The following SERGEF variants were observed in gnomAD, a reference collection of about 807,000 sequenced individuals.
The protein encoded by SERGEF is secretion regulating guanine nucleotide exchange factor, also known as secretion-regulating guanine nucleotide exchange factor.
A neutral mutation model predicts 50.0 loss-of-function variants in SERGEF; 51 were observed. The observed-to-expected ratio is 1.02, with a 90% CI of 0.81 to 1.29. The LOEUF (loss-of-function observed/expected upper bound fraction) is 1.29, where lower values mean the gene tolerates loss of function less well. Among genes scored for constraint, SERGEF ranks in the 50% most tolerant of loss-of-function variants. The pLI is 0.00. For missense variants in SERGEF, 521 were observed against 557.0 expected, an observed-to-expected ratio of 0.94 and a Z score of 0.65; for synonymous variants, 205 against 212.4, an observed-to-expected ratio of 0.97 and a Z score of 0.30.
chr11:17,956,770 AC>A (rs1487737320), intron 9 of SERGEF, among the ~76,000 whole-genome samples: 1 of 152,078 alleles, frequency 6.6e-6, no homozygotes, highest in Non-Finnish European at 1.5e-5. Flanking sequence ...TATGTGCCAC[AC>A]TCAGGTCCTC....
At chr11:17,824,662 T>G (rs1257748032) in intron 10 of SERGEF, among the ~76,000 whole-genome samples, 3 of 152,338 alleles carry the variant, frequency 2.0e-5, no homozygotes, top group Admixed American at 2.0e-4. Context: ...CTCCCTGGCC[T>G]GCAGATGGCT....
At chr11:17,882,480 C>T (rs1851353655) in intron 9 of SERGEF, among the ~76,000 whole-genome samples, 1 of 151,964 alleles carries the variant, frequency 6.6e-6, no homozygotes, top group African/African-American at 2.4e-5. Flanking sequence ...GTAAAGCCTT[C>T]CCTGACTTCT....
chr11:17,942,679 C>T (rs1212748767), intron 9 of SERGEF, among the ~76,000 whole-genome samples: 2 of 152,122 alleles, frequency 1.3e-5, no homozygotes, highest in African/African-American at 4.8e-5. Flanking sequence ...ACATACTTGC[C>T]TCATTCTGAT....
intron 9 of SERGEF, among the ~76,000 whole-genome samples, chr11:17,878,953 T>G (rs1038405654): frequency 6.6e-6 from 1 of 152,226 alleles, no homozygotes; most frequent in Non-Finnish European, 1.5e-5. Context: ...TGCCCTTAAA[T>G]GTACCCCCAC....
At chr11:17,946,925 C>A (rs1852673120) in intron 9 of SERGEF, among the ~76,000 whole-genome samples, 1 of 152,274 alleles carries the variant, frequency 6.6e-6, no homozygotes, top group East Asian at 1.9e-4. Flanking sequence ...GGAGATGGAG[C>A]CCCCAAGGCT....
intron 4 of SERGEF, 129 bp from the exon 5 acceptor site, chr11:18,000,686 C>G: frequency 1.4e-6 from 1 of 733,016 alleles, no homozygotes; most frequent in Non-Finnish European, 2.5e-6. Context: ...ACCACTCCCC[C>G]CAATATTTCC....
chr11:17,815,182 T>C (rs187052868), intron 10 of SERGEF, among the ~76,000 whole-genome samples: 276 of 150,580 alleles, frequency 1.8e-3, no homozygotes, highest in African/African-American at 6.4e-3. Context: ...ATGAGATCCA[T>C]CTCTTAAGAA....
intron 9 of SERGEF, among the ~76,000 whole-genome samples, chr11:17,941,026 T>C (rs1284332058): frequency 6.6e-6 from 1 of 152,216 alleles, no homozygotes; most frequent in Non-Finnish European, 1.5e-5. Context: ...GCTTAAATAA[T>C]TGTACAATGA....
chr11:17,962,815 G>A (rs1853036257), intron 8 of SERGEF, among the ~76,000 whole-genome samples: 1 of 152,086 alleles, frequency 6.6e-6, no homozygotes, highest in Non-Finnish European at 1.5e-5. Context: ...GTGAACTTCT[G>A]GATAAGAAAA....
At chr11:17,936,821 C>T (rs150331991) in intron 9 of SERGEF, among the ~76,000 whole-genome samples, 10 of 152,258 alleles carry the variant, frequency 6.6e-5, no homozygotes, top group Non-Finnish European at 1.2e-4. Flanking sequence ...TGGTGATGAG[C>T]GTAGGGATCA....
At chr11:17,860,893 CA>C (rs1850914335) in intron 10 of SERGEF, among the ~76,000 whole-genome samples, 1 of 152,184 alleles carries the variant, frequency 6.6e-6, no homozygotes, top group Non-Finnish European at 1.5e-5. Context: ...CGGCACTTGG[CA>C]TACAGTAAGT....
intron 10 of SERGEF, among the ~76,000 whole-genome samples, chr11:17,833,282 C>T (rs993550318): frequency 3.3e-5 from 5 of 152,202 alleles, no homozygotes; most frequent in Admixed American, 6.5e-5. Context: ...GAACCTCAAA[C>T]CTTGGCAGCT....
intron 10 of SERGEF, chr11:17,866,780 A>C (rs1271311787): frequency 6.6e-6 from 1 of 152,246 alleles, no homozygotes; most frequent in Non-Finnish European, 1.5e-5. Flanking sequence ...AAAGAGATTT[A>C]ATGGACTTAC....
chr11:17,989,907 T>A lies in SERGEF; in HGVS notation c.686-1152A>T, dbSNP rs573307120. The stretch of plus-strand genomic sequence containing the variant: ...ATACTGGGTTAAGTAGATATATTAT[T>A]AAAATTAATCCCACCTGTTTCTTTT... On this transcript the variant is annotated intron_variant, in intron 7 of 10. Coordinates refer to ENST00000265965, the MANE Select transcript of SERGEF (RefSeq NM_012139.4). 2.6e-5 allele frequency among the ~76,000 whole-genome samples: 4 copies of A among 152,384 alleles called. No homozygotes were observed. In the South Asian group the frequency reaches 8.3e-4, roughly 32 times the overall value.
intron 10 of SERGEF, among the ~76,000 whole-genome samples, chr11:17,850,068 T>C (rs1481076807): frequency 6.6e-6 from 1 of 152,150 alleles, no homozygotes; most frequent in Non-Finnish European, 1.5e-5. Flanking sequence ...GTGAGGGTCA[T>C]GCTAGGGTGG....
intron 10 of SERGEF, among the ~76,000 whole-genome samples, chr11:17,866,130 A>G (rs1018724597): frequency 2.6e-5 from 4 of 152,226 alleles, no homozygotes; most frequent in Admixed American, 6.5e-5. Context: ...AGCTCAAGCA[A>G]CCACTTGAGA....
intron 10 of SERGEF, among the ~76,000 whole-genome samples, chr11:17,874,052 A>G (rs1024490051): frequency 1.3e-5 from 2 of 152,224 alleles, no homozygotes; most frequent in African/African-American, 2.4e-5. Context: ...ACATGCCCTC[A>G]GTTCACCTCA....
At chr11:17,898,245 T>C (rs1166458377) in intron 9 of SERGEF, among the ~76,000 whole-genome samples, 2 of 152,204 alleles carry the variant, frequency 1.3e-5, no homozygotes, top group Non-Finnish European at 2.9e-5. Context: ...AGTGAAGCTG[T>C]GAACATAAGC....
intron 10 of SERGEF, among the ~76,000 whole-genome samples, chr11:17,828,473 C>T (rs2158398): frequency 6.6e-6 from 1 of 152,248 alleles, no homozygotes; most frequent in Admixed American, 6.5e-5. Context: ...CAGCGCACGG[C>T]TGTCGCCTGC....
Sources: allele counts gnomAD v4.1 joint callset (sites outside exome capture counted in the v4.1 genomes callset), GRCh38; gene constraint gnomAD v4.1.1; transcripts MANE v1.5; gene names NCBI Gene and HGNC (gene_info 2026-07-23, HGNC 2026-07-21).